The following B4GALNT3 variants were observed in gnomAD, a reference collection of about 807,000 sequenced individuals.
B4GALNT3 encodes beta-1,4-N-acetylgalactosaminyltransferase 3.
A neutral mutation model predicts 120.2 loss-of-function variants in B4GALNT3; 86 were observed. The observed-to-expected ratio is 0.72, with a 90% CI of 0.60 to 0.86. The LOEUF is 0.86. Ranked by LOEUF, B4GALNT3 falls within the 40% of genes least tolerant of loss-of-function variation. B4GALNT3 has a pLI of 0.00. For synonymous variants in B4GALNT3, 518 were observed against 510.4 expected, an observed-to-expected ratio of 1.01 and a Z score of -0.20; for missense variants, 1,167 against 1,298.9, an observed-to-expected ratio of 0.90 and a Z score of 1.56.
At chr12:466,378 C>T (rs777507985) in intron 1 of B4GALNT3, among the ~76,000 whole-genome samples, 1 of 152,156 alleles carries the variant, frequency 6.6e-6, no homozygotes, top group Non-Finnish European at 1.5e-5. Flanking sequence ...CGCTCGCTGT[C>T]TAGTTCTCCT....
chr12:505,797 G>T (rs1946491766), intron 1 of B4GALNT3, among the ~76,000 whole-genome samples: 1 of 152,146 alleles, frequency 6.6e-6, no homozygotes, highest in Non-Finnish European at 1.5e-5. Context: ...TGCTTCTGGG[G>T]TTGATAGGAG....
chr12:496,835 G>C (rs1178488193), intron 1 of B4GALNT3, among the ~76,000 whole-genome samples: 1 of 152,124 alleles, frequency 6.6e-6, no homozygotes, highest in Non-Finnish European at 1.5e-5. Flanking sequence ...TTAGCATGAC[G>C]TTTTCAAAAT....
chr12:541,511 T>C (rs1268736059), intron 3 of B4GALNT3, among the ~76,000 whole-genome samples: 1 of 152,078 alleles, frequency 6.6e-6, no homozygotes, highest in Non-Finnish European at 1.5e-5. Context: ...ATACAAAGTC[T>C]CCAAGACTCA....
chr12:513,973 G>T (rs1234990877), intron 1 of B4GALNT3, among the ~76,000 whole-genome samples: 1 of 152,170 alleles, frequency 6.6e-6, no homozygotes, highest in Non-Finnish European at 1.5e-5. Flanking sequence ...ATGGACATTT[G>T]CATTGTTTCC....
intron 1 of B4GALNT3, among the ~76,000 whole-genome samples, chr12:533,321 A>G (rs1449157650): frequency 6.6e-6 from 1 of 152,156 alleles, no homozygotes; most frequent in Non-Finnish European, 1.5e-5. Flanking sequence ...ACATCACTTC[A>G]GTGGCCCCAG....
chr12:512,538 C>T (rs1236689315), intron 1 of B4GALNT3, among the ~76,000 whole-genome samples: 2 of 144,852 alleles, frequency 1.4e-5, no homozygotes, highest in Non-Finnish European at 3.0e-5. Context: ...CTTCCACCTT[C>T]AACCTTCCAC....
chr12:561,491 A>T lies in B4GALNT3; in HGVS notation c.*40A>T. The T allele has an allele frequency of 6.7e-7, 1 of 1,492,596 alleles. No homozygotes were observed. Among genetic ancestry groups the T allele is most frequent in the South Asian group, 1.2e-5 (1 of 86,792 alleles). The allele number at this position is 1,492,596 out of a possible 1,614,324, so 92.5% of individuals were successfully genotyped here. On this transcript the variant is annotated 3_prime_UTR_variant, in exon 20 of 20. Coordinates refer to ENST00000266383, the MANE Select transcript of B4GALNT3 (RefSeq NM_173593.4). ...CGGGGCCCAGCACTCCCCGCTCTGGACTAGCAGTGGCTCCCCAGGGCCCTG... is the reference window on the plus strand; with the variant it reads ...CGGGGCCCAGCACTCCCCGCTCTGGTCTAGCAGTGGCTCCCCAGGGCCCTG...
intron 11 of B4GALNT3, 68 bp from the exon 12 acceptor site, chr12:551,995 C>A: frequency 7.9e-7 from 1 of 1,268,752 alleles, no homozygotes; most frequent in East Asian, 2.3e-5. Flanking sequence ...GCAGGCTTAA[C>A]CCTGGCTGGC....
intron 3 of B4GALNT3, chr12:543,139 G>A (rs1946938902): frequency 1.6e-6 from 2 of 1,289,592 alleles, no homozygotes; most frequent in South Asian, 1.2e-5. Flanking sequence ...GAGTATGTGT[G>A]TGTGTGTGCA....
chr12:553,340 C>T lies in B4GALNT3; in HGVS notation c.1417C>T (p.Arg473Ter), dbSNP rs768295582. 6.8e-6 allele frequency: 11 copies of T among 1,613,688 alleles called. No homozygotes were observed. Among genetic ancestry groups the T allele is most frequent in the East Asian group, 2.2e-5 (1 of 44,886 alleles). Residue 473 changes from arginine (R) to a stop codon, truncating the protein, a stop_gained, in exon 14 of 20, where the codon CGA (arginine) becomes TGA (stop). Coordinates refer to ENST00000266383, the MANE Select transcript of B4GALNT3 (RefSeq NM_173593.4). LOFTEE classifies it high-confidence loss of function. ...GCAAGATGCCACTGACTACCGCCTC[C>T]GAAGCCTGCGGAAACTCCTGGCTCA... ...LEQDATDYRL[R>*]SLRKLLAQPR...
At chr12:467,738 A>G (rs1449479969) in intron 1 of B4GALNT3, among the ~76,000 whole-genome samples, 1 of 152,210 alleles carries the variant, frequency 6.6e-6, no homozygotes, top group Non-Finnish European at 1.5e-5. Context: ...AGACTGCAGG[A>G]TACATAGTAG....
rs149980135 is a variant in B4GALNT3, at chr12:555,485, G to A, written c.2061-1062G>A. 2.0e-4 allele frequency: 83 copies of A among 410,310 alleles called. 1 individual carries two copies. The East Asian group carries it at 4.8e-3, about 24-fold the overall frequency. 25.4% of individuals were successfully genotyped at this position (410,310 alleles called of 1,614,324 possible). Reference sequence around the variant, plus strand: ...ATATACCACATTTTTCCATTCATCCGTTGAAGGACATGTGGGTTGTTTCTA... The same window carrying A: ...ATATACCACATTTTTCCATTCATCCATTGAAGGACATGTGGGTTGTTTCTA... On this transcript the variant is annotated intron_variant, in intron 14 of 19. Transcript: ENST00000266383.
chr12:552,637 C>G (rs1947098860), intron 13 of B4GALNT3, 109 bp downstream of exon 13: 1 of 1,042,042 alleles, frequency 9.6e-7, no homozygotes, highest in Admixed American at 2.4e-5. Context: ...AGCTCAAGAT[C>G]CAAATCACGT....
At chr12:521,931 C>A (rs1820125988) in intron 1 of B4GALNT3, among the ~76,000 whole-genome samples, 1 of 151,844 alleles carries the variant, frequency 6.6e-6, no homozygotes, top group Non-Finnish European at 1.5e-5. Context: ...ACCTCCCTGT[C>A]CCTGGGGAGA....
intron 14 of B4GALNT3, chr12:555,579 T>G (rs2120735557): frequency 3.0e-6 from 1 of 338,458 alleles, no homozygotes; most frequent in South Asian, 2.2e-5. Context: ...GAACATACTT[T>G]CAGTTGTCTT....
At chr12:512,607 C>G (rs1244167680) in intron 1 of B4GALNT3, among the ~76,000 whole-genome samples, 44 of 142,930 alleles carry the variant, frequency 3.1e-4, no homozygotes, top group Admixed American at 3.0e-3. Context: ...CCACCTTCCA[C>G]CTTCCACCTT....
chr12:544,439 G>A lies in B4GALNT3; in HGVS notation c.447+5G>A, dbSNP rs1256747513. 1 of 1,613,252 alleles carries A rather than the reference G, an allele frequency of 6.2e-7. No individual in the cohort carries two copies. The highest frequency in any genetic ancestry group is 8.5e-7 in the Non-Finnish European group (1 of 1,179,600). ...CATTTCCCACTGTACCCCCATGTGA[G>A]TGCCTGAGGGCTGCCTTGCCCACCT... On this transcript the variant is annotated splice_donor_5th_base_variant and intron_variant, in intron 4 of 19. Transcript: ENST00000266383.
intron 1 of B4GALNT3, among the ~76,000 whole-genome samples, chr12:461,226 CA>C (rs5795922): frequency 0.83 from 125,333 of 151,886 alleles, 53,635 homozygotes; most frequent in Non-Finnish European, 0.96. Flanking sequence ...GAACCCTGAG[CA>C]AATCTACCAA....
At chr12:556,414 A>G (rs1947156837) in intron 14 of B4GALNT3, 133 bp from the exon 15 acceptor site, 5 of 822,232 alleles carry the variant, frequency 6.1e-6, no homozygotes, top group African/African-American at 1.7e-5. Flanking sequence ...CTGAGGCCCT[A>G]TAGCCAGCCA....
Sources: gnomAD v4.1 joint callset for allele counts (sites outside exome capture counted in the v4.1 genomes callset) on GRCh38, gnomAD v4.1.1 for gene constraint, MANE v1.5 for transcripts, NCBI Gene and HGNC (gene_info 2026-07-23, HGNC 2026-07-21) for gene names.